The following ITGBL1 variants were observed in gnomAD, a reference collection of about 807,000 sequenced individuals.
The protein encoded by ITGBL1 is integrin beta-like protein 1.
Under a neutral mutation model 68.5 loss-of-function variants are expected in ITGBL1, and 51 were observed. The observed-to-expected ratio is 0.74, with a 90% CI of 0.59 to 0.94. The LOEUF is 0.94. Ranked by LOEUF, ITGBL1 falls within the 40% of genes least tolerant of loss-of-function variation. The pLI, the probability that ITGBL1 is intolerant of heterozygous loss-of-function variation, is 0.00. For missense variants in ITGBL1, 649 were observed against 647.4 expected (o/e 1.00, Z -0.03); for synonymous variants, 209 against 227.3 (o/e 0.92, Z 0.72).
chr13:101,636,991 A>G (rs748237682), intron 7 of ITGBL1, among the ~76,000 whole-genome samples: 23 of 152,194 alleles, frequency 1.5e-4, no homozygotes, highest in Non-Finnish European at 2.1e-4. Flanking sequence ...GCAACTCTTT[A>G]CTGGGGCTGA....
At chr13:101,520,672 A>G (rs892193514) in intron 2 of ITGBL1, among the ~76,000 whole-genome samples, 26 of 152,316 alleles carry the variant, frequency 1.7e-4, no homozygotes, top group African/African-American at 5.1e-4. Flanking sequence ...GGGACCCTGC[A>G]AGGCTGCCTC....
chr13:101,669,491 G>A (rs2033305018), intron 7 of ITGBL1, among the ~76,000 whole-genome samples: 1 of 152,090 alleles, frequency 6.6e-6, no homozygotes, highest in Admixed American at 6.6e-5. Context: ...AAAGGAATTT[G>A]TGTGCAATCA....
intron 2 of ITGBL1, among the ~76,000 whole-genome samples, chr13:101,562,310 C>T (rs940660708): frequency 6.6e-6 from 1 of 151,868 alleles, no homozygotes; most frequent in Non-Finnish European, 1.5e-5. Context: ...ATAAAAATTG[C>T]TTAGAAAGTT....
intron 7 of ITGBL1, among the ~76,000 whole-genome samples, chr13:101,603,197 G>A (rs1234915467): frequency 2.0e-5 from 3 of 152,020 alleles, no homozygotes; most frequent in Non-Finnish European, 2.9e-5. Context: ...CACCAGCAGC[G>A]TGTGGAGTTT....
At chr13:101,660,952 C>T (rs909542202) in intron 7 of ITGBL1, among the ~76,000 whole-genome samples, 10 of 152,088 alleles carry the variant, frequency 6.6e-5, no homozygotes, top group Non-Finnish European at 1.0e-4. Context: ...AATCATTTTG[C>T]GGGGAATATT....
At position 101,709,748 on chromosome 13, in the gene ITGBL1, C is replaced by T. The variant is rs1009515062; in HGVS notation, c.1279+2846C>T. On this transcript the variant is annotated intron_variant, in intron 9 of 10. Transcript: ENST00000376180. Reference sequence around the variant, plus strand: ...ATTGTTTGTGTTTGTGTGTTTACTACGCTCACTATTGAATCATTAACACTT... The same window carrying T: ...ATTGTTTGTGTTTGTGTGTTTACTATGCTCACTATTGAATCATTAACACTT... 2.6e-5 allele frequency among the ~76,000 whole-genome samples: 4 copies of T among 152,322 alleles called. 1 individual carries two copies. Among genetic ancestry groups the T allele is most frequent in the Middle Eastern group, 6.8e-3 (2 of 294 alleles).
At chr13:101,605,678 T>C (rs1039123831) in intron 7 of ITGBL1, among the ~76,000 whole-genome samples, 2 of 151,412 alleles carry the variant, frequency 1.3e-5, no homozygotes, top group African/African-American at 4.8e-5. Context: ...ATGTATGTGT[T>C]TATGCGTATA....
intron 5 of ITGBL1, among the ~76,000 whole-genome samples, chr13:101,582,264 C>T (rs1332215194): frequency 6.6e-6 from 1 of 151,928 alleles, no homozygotes; most frequent in African/African-American, 2.4e-5. Context: ...CCAAAATTTT[C>T]AATTTTTATG....
chr13:101,470,635 A>C (rs2048444376), intron 2 of ITGBL1, among the ~76,000 whole-genome samples: 2 of 152,172 alleles, frequency 1.3e-5, no homozygotes, highest in Admixed American at 1.3e-4. Flanking sequence ...TAGGCAACCT[A>C]GCAAGAGAGC....
intron 8 of ITGBL1, among the ~76,000 whole-genome samples, chr13:101,693,656 AT>A (rs2033934618): frequency 6.6e-6 from 1 of 151,538 alleles, no homozygotes. Context: ...CTATCTATCT[AT>A]CTATCTATCA....
At chr13:101,610,534 TG>T (rs1227192160) in intron 7 of ITGBL1, among the ~76,000 whole-genome samples, 1 of 152,226 alleles carries the variant, frequency 6.6e-6, no homozygotes, top group Admixed American at 6.5e-5. Context: ...TAATATTTAT[TG>T]ATCTTACCAC....
At chr13:101,506,255 ATC>A (rs1425484038) in intron 2 of ITGBL1, among the ~76,000 whole-genome samples, 1 of 152,118 alleles carries the variant, frequency 6.6e-6, no homozygotes, top group African/African-American at 2.4e-5. Flanking sequence ...CAGGAGGCAT[ATC>A]TCTCTACATT....
At chr13:101,565,293 G>GA (rs1473699456) in intron 2 of ITGBL1, among the ~76,000 whole-genome samples, 18 of 151,994 alleles carry the variant, frequency 1.2e-4, no homozygotes, top group South Asian at 4.1e-4. Context: ...ACTAACCTTA[G>GA]AAAAAATTGT....
intron 2 of ITGBL1, among the ~76,000 whole-genome samples, chr13:101,537,212 C>T (rs1256278856): frequency 6.6e-6 from 1 of 152,018 alleles, no homozygotes; most frequent in Non-Finnish European, 1.5e-5. Flanking sequence ...AATATTATAT[C>T]AGCTCTGACT....
chr13:101,660,253 G>A (rs911365181), intron 7 of ITGBL1, among the ~76,000 whole-genome samples: 1 of 152,136 alleles, frequency 6.6e-6, no homozygotes, highest in African/African-American at 2.4e-5. Flanking sequence ...TTCAAAGATA[G>A]TTTGGTGGAT....
At chr13:101,455,457 A>G (rs2048230403) in intron 2 of ITGBL1, among the ~76,000 whole-genome samples, 1 of 152,184 alleles carries the variant, frequency 6.6e-6, no homozygotes, top group Admixed American at 6.5e-5. Context: ...ACTTGAGGTC[A>G]GGAGTTCAAG....
chr13:101,508,770 C>T (rs2049066397), intron 2 of ITGBL1, among the ~76,000 whole-genome samples: 1 of 151,834 alleles, frequency 6.6e-6, no homozygotes, highest in South Asian at 2.1e-4. Context: ...AGTTTTTGTC[C>T]AGAGCTCAGA....
At chr13:101,467,558 A>G (rs538011397) in intron 2 of ITGBL1, among the ~76,000 whole-genome samples, 1 of 152,350 alleles carries the variant, frequency 6.6e-6, no homozygotes, top group South Asian at 2.1e-4. Context: ...TTCCTGGCAA[A>G]TAAGAAACTA....
intron 7 of ITGBL1, among the ~76,000 whole-genome samples, chr13:101,674,715 A>C (rs975694459): frequency 1.3e-5 from 2 of 152,030 alleles, no homozygotes; most frequent in African/African-American, 4.8e-5. Context: ...TTCTGGGTTC[A>C]AAGTTCATGA....
Sources: gnomAD v4.1 joint callset for allele counts (sites outside exome capture counted in the v4.1 genomes callset) on GRCh38, gnomAD v4.1.1 for gene constraint, MANE v1.5 for transcripts, NCBI Gene and HGNC (gene_info 2026-07-23, HGNC 2026-07-21) for gene names.